The following CAMK4 variants were observed in gnomAD, a reference collection of about 807,000 sequenced individuals.
The protein encoded by CAMK4 is calcium/calmodulin-dependent protein kinase type IV.
Under a neutral mutation model 44.9 loss-of-function variants are expected in CAMK4, and 22 were observed. The observed-to-expected ratio is 0.49, with a 90% CI of 0.35 to 0.70. CAMK4 has a LOEUF of 0.70. Among genes scored for constraint, CAMK4 ranks in the 30% least tolerant of loss-of-function variants. The pLI, the probability that CAMK4 is intolerant of heterozygous loss-of-function variation, is 0.01. For missense variants in CAMK4, 498 were observed against 586.8 expected (o/e 0.85, Z 1.56); for synonymous variants, 218 against 215.4 (o/e 1.01, Z -0.11).
At chr5:111,261,235 T>A (rs914634122) in intron 1 of CAMK4, among the ~76,000 whole-genome samples, 10 of 152,240 alleles carry the variant, frequency 6.6e-5, no homozygotes, top group Admixed American at 5.9e-4. Context: ...AACATTACAT[T>A]ATTTCCACAA....
intron 2 of CAMK4, 62 bp downstream of exon 2, chr5:111,344,164 C>G: frequency 9.9e-7 from 1 of 1,011,698 alleles, no homozygotes; most frequent in South Asian, 1.3e-5. Context: ...AAGGCAGGAA[C>G]CTGATTTGAA....
At chr5:111,281,018 G>A (rs1343670340) in intron 1 of CAMK4, among the ~76,000 whole-genome samples, 3 of 152,208 alleles carry the variant, frequency 2.0e-5, no homozygotes, top group African/African-American at 7.2e-5. Flanking sequence ...AACATCTGGA[G>A]GAGAAAGGAA....
chr5:111,327,928 A>G (rs1285812944), intron 1 of CAMK4, among the ~76,000 whole-genome samples: 2 of 116,678 alleles, frequency 1.7e-5, no homozygotes, highest in African/African-American at 3.8e-5. Context: ...TCAGATGAGT[A>G]GGTTGCAGAA....
intron 1 of CAMK4, among the ~76,000 whole-genome samples, chr5:111,310,813 T>G (rs1748170813): frequency 6.6e-6 from 1 of 152,134 alleles, no homozygotes; most frequent in South Asian, 2.1e-4. Flanking sequence ...ATATGTTTCT[T>G]TTTGAGTATA....
intron 7 of CAMK4, among the ~76,000 whole-genome samples, chr5:111,453,070 A>C (rs1203919415): frequency 1.3e-5 from 2 of 152,204 alleles, no homozygotes; most frequent in Non-Finnish European, 2.9e-5. Context: ...TTTCTTTAGC[A>C]GACAAAGGTT....
intron 5 of CAMK4, among the ~76,000 whole-genome samples, chr5:111,443,049 T>C (rs1753882290): frequency 6.7e-6 from 1 of 149,472 alleles, no homozygotes; most frequent in Non-Finnish European, 1.5e-5. Context: ...AGAGTGTTGA[T>C]CTTTCTAATG....
In CAMK4 at chr5:111,494,561, T is replaced by C. The variant is rs939781263; in HGVS notation, c.*10095T>C. 6.6e-6 allele frequency: 1 copy of C among 151,394 alleles called. No individual in the cohort carries two copies. The highest frequency in any genetic ancestry group is 1.5e-5 in the Non-Finnish European group (1 of 67,970). 9.4% of individuals were successfully genotyped at this position (151,394 alleles called of 1,614,324 possible). The stretch of plus-strand genomic sequence containing the variant: ...CACAACAGTCATGGGCTGTCTCAGC[T>C]GCCCAAAGCCTGAGGCAGACCACAT... On this transcript the variant is annotated 3_prime_UTR_variant, in exon 11 of 11. Coordinates refer to ENST00000282356, the MANE Select transcript of CAMK4 (RefSeq NM_001744.6).
intron 1 of CAMK4, among the ~76,000 whole-genome samples, chr5:111,314,417 T>A (rs1383960192): frequency 6.6e-6 from 1 of 152,100 alleles, no homozygotes; most frequent in African/African-American, 2.4e-5. Flanking sequence ...ACAACAGAGC[T>A]TTATAACAGT....
intron 1 of CAMK4, among the ~76,000 whole-genome samples, chr5:111,248,634 A>G (rs1008139530): frequency 6.6e-6 from 1 of 152,036 alleles, no homozygotes; most frequent in Non-Finnish European, 1.5e-5. Flanking sequence ...GCTGCTTGGT[A>G]TATGTTGTGC....
chr5:111,383,589 C>G (rs1205138730), intron 4 of CAMK4, among the ~76,000 whole-genome samples: 1 of 151,702 alleles, frequency 6.6e-6, no homozygotes, highest in African/African-American at 2.4e-5. Flanking sequence ...GATGCCTACA[C>G]CTGGAATTAG....
intron 1 of CAMK4, among the ~76,000 whole-genome samples, chr5:111,225,042 A>G (rs563662458): frequency 6.6e-6 from 1 of 152,324 alleles, no homozygotes; most frequent in East Asian, 1.9e-4. Flanking sequence ...CTCCAAATCA[A>G]GACAGAATTA....
At chr5:111,347,948 A>T (rs773313091) in intron 2 of CAMK4, among the ~76,000 whole-genome samples, 7 of 152,172 alleles carry the variant, frequency 4.6e-5, no homozygotes, top group Non-Finnish European at 1.0e-4. Flanking sequence ...TAAGAAAGTT[A>T]ATAAGGAAAC....
intron 5 of CAMK4, among the ~76,000 whole-genome samples, chr5:111,422,837 T>C (rs1370120803): frequency 3.9e-5 from 6 of 152,222 alleles, no homozygotes. Context: ...TCCTGTGGCA[T>C]TTTATGCTCA....
chr5:111,224,374 G>A (rs958172344), upstream of CAMK4: 28 of 1,377,326 alleles, frequency 2.0e-5, no homozygotes, highest in East Asian at 3.2e-5. The surrounding 1 kb of genome is among the most constrained non-coding windows in gnomAD (Gnocchi z 5.7). Context: ...GCGCGTGAAG[G>A]ACGCCGCCTC....
intron 5 of CAMK4, among the ~76,000 whole-genome samples, chr5:111,404,723 A>G (rs1430090244): frequency 1.3e-5 from 2 of 152,182 alleles, no homozygotes; most frequent in East Asian, 3.8e-4. Flanking sequence ...ATAATGAGTC[A>G]TGTTTGACCT....
chr5:111,413,817 A>T (rs1752715289), intron 5 of CAMK4, among the ~76,000 whole-genome samples: 1 of 152,100 alleles, frequency 6.6e-6, no homozygotes, highest in Admixed American at 6.5e-5. Context: ...AAAACTAGAG[A>T]TATATTTTCT....
intron 2 of CAMK4, among the ~76,000 whole-genome samples, chr5:111,355,783 G>A (rs918825553): frequency 5.3e-5 from 8 of 150,720 alleles, no homozygotes; most frequent in East Asian, 2.0e-4. Context: ...ATAGTTTACC[G>A]AGAATGATGA....
chr5:111,229,060 A>G (rs556642612), intron 1 of CAMK4, among the ~76,000 whole-genome samples: 17 of 152,346 alleles, frequency 1.1e-4, no homozygotes, highest in African/African-American at 3.8e-4. Context: ...AATGCTTTCT[A>G]TAAGGAAACA....
At chr5:111,312,269 T>C (rs10478042) in intron 1 of CAMK4, among the ~76,000 whole-genome samples, 263 of 152,290 alleles carry the variant, frequency 1.7e-3, no homozygotes, top group African/African-American at 6.3e-3. Flanking sequence ...CCAGATATCA[T>C]GGTGGTTATA....
Sources: allele counts gnomAD v4.1 joint callset (sites outside exome capture counted in the v4.1 genomes callset), GRCh38; gene constraint gnomAD v4.1.1; non-coding constraint Gnocchi (gnomAD v3.1); transcripts MANE v1.5; gene names NCBI Gene and HGNC (gene_info 2026-07-23, HGNC 2026-07-21).